INTS11: variants seen among roughly 807,000 people sequenced by gnomAD.
The protein encoded by INTS11 is integrator complex subunit 11.
In INTS11, 77 loss-of-function variants were observed where a neutral mutation model predicts 78.6. The ratio of observed to expected loss-of-function variants is 0.98; its 90% CI spans 0.81 to 1.18. INTS11 has a LOEUF of 1.18. INTS11 is among the 50% of genes most tolerant of loss of function. INTS11 has a pLI of 0.00. For missense variants in INTS11, 875 were observed against 825.9 expected (o/e 1.06, Z -0.73); for synonymous variants, 441 against 326.9 (o/e 1.35, Z -3.77).
At chr1:1,321,955 A>G in intron 1 of INTS11, 4 of 1,387,768 alleles carry the variant, frequency 2.9e-6, no homozygotes, top group Non-Finnish European at 3.8e-6. Context: ...ACCACACATC[A>G]GGATGACGGG....
chr1:1,311,838 C>T lies in INTS11; in HGVS notation c.*21G>A, dbSNP rs760749054. 12 of 1,537,128 alleles carry T rather than the reference C, an allele frequency of 7.8e-6. No individual in the cohort carries two copies. In the East Asian group the frequency reaches 9.0e-5, roughly 12 times the overall value. ...TCCAGCTGGGAGAGGGCAGAGGTGG[C>T]GGCTGGGTGAGTTGCCGGCCTCAGC... On this transcript the variant is annotated 3_prime_UTR_variant, in exon 17 of 17. Coordinates refer to ENST00000435064, the MANE Select transcript of INTS11 (RefSeq NM_017871.6).
In INTS11 at chr1:1,313,137, A is replaced by G. The variant is rs1642341735; in HGVS notation, c.1042-13T>C. The G allele has an allele frequency of 6.2e-7, 1 of 1,600,694 alleles. No homozygotes were observed. The stretch of plus-strand genomic sequence containing the variant: ...CGGGCATGATGACCTGGGGGCAGGC[A>G]CAGAGCTCACAGCCAGGGAACTCCA... On this transcript the variant is annotated splice_polypyrimidine_tract_variant and intron_variant, in intron 10 of 16. Transcript: ENST00000435064.
rs376430379 is a variant in INTS11 at position 1,312,607 on chromosome 1, C to T, written c.1388G>A (p.Arg463Gln). ...AGCCCGCATACCCTGCGCCATCTCC[C>T]GCTTCAGCAGCCCCAGCGAGATGCC... Reference protein sequence around the residue: ...PVGISLGLLKREMAQGLLPEA... With the variant: ...PVGISLGLLKQEMAQGLLPEA... The change falls in exon 13 of 17, where the codon CGG becomes CAG. Residue 463 changes from arginine to glutamine, a missense_variant. Coordinates refer to ENST00000435064, the MANE Select transcript of INTS11 (RefSeq NM_017871.6). 21 of 1,574,634 alleles carry T rather than the reference C, an allele frequency of 1.3e-5. No homozygotes were observed. Among genetic ancestry groups the T allele is most frequent in the Middle Eastern group, 1.7e-4 (1 of 5,886 alleles).
intron 1 of INTS11, 115 bp from the exon 2 acceptor site, chr1:1,321,208 A>G: frequency 1.3e-6 from 1 of 763,806 alleles, no homozygotes; most frequent in South Asian, 1.7e-5. Flanking sequence ...TGCTGTGTGG[A>G]CAGACACATG....
At chr1:1,319,821 C>T (rs775915195) in intron 3 of INTS11, 22 of 394,782 alleles carry the variant, frequency 5.6e-5, no homozygotes, top group Non-Finnish European at 8.3e-5. Flanking sequence ...GCTTTTCAGG[C>T]AGTCAGGACA....
In INTS11 at chr1:1,312,437, C is replaced by T. The variant is rs367734524; in HGVS notation, c.1464+3G>A. 1 of 1,567,390 alleles carries T rather than the reference C, an allele frequency of 6.4e-7. No homozygotes were observed. The highest frequency in any genetic ancestry group is 1.4e-5 in the African/African-American group (1 of 73,890). ...CCCCTCCAGAGACCGTCCTGGCACT[C>T]ACGCTGTCCTTCATGATCAGGGTGC... On this transcript the variant is annotated splice_donor_region_variant and intron_variant, in intron 14 of 16. Transcript: ENST00000435064.
In INTS11 at chr1:1,320,333, A is replaced by G. The variant is rs1642870600; in HGVS notation, c.200+123T>C. ...AGGCAGGGAGCAGATCCTGGGGCCT[A>G]GAAGCCCCCTGAGGATCAAGGATGG... On this transcript the variant is annotated intron_variant, in intron 3 of 16. Transcript: ENST00000435064. The G allele has an allele frequency of 3.4e-6, 3 of 872,264 alleles. No individual in the cohort carries two copies. In the African/African-American group the frequency reaches 5.0e-5, roughly 15 times the overall value. 54.0% of individuals were successfully genotyped at this position (872,264 alleles called of 1,614,324 possible).
Position 1,312,587 on chromosome 1 carries a change from G to C in INTS11, c.1402+6C>G. Reference sequence around the variant, plus strand: ...CACCCTGCCCTGCCCTGCCCAGCCCGCATACCCTGCGCCATCTCCCGCTTC... The same window carrying C: ...CACCCTGCCCTGCCCTGCCCAGCCCCCATACCCTGCGCCATCTCCCGCTTC... On this transcript the variant is annotated splice_donor_region_variant and intron_variant, in intron 13 of 16. Transcript: ENST00000435064. The C allele has an allele frequency of 6.4e-7, 1 of 1,570,900 alleles. No individual in the cohort carries two copies. The highest frequency in any genetic ancestry group is 8.7e-7 in the Non-Finnish European group (1 of 1,154,174).
intron 16 of INTS11, 46 bp from the exon 17 acceptor site, chr1:1,311,970 A>C (rs1642195330): frequency 1.3e-6 from 2 of 1,595,538 alleles, no homozygotes; most frequent in Admixed American, 3.5e-5. Context: ...GACAGGGAGG[A>C]ATGTTGATAC....
rs749479856 is a variant in INTS11 at position 1,324,596 on chromosome 1, T to C, written c.13A>G (p.Arg5Gly). 6.3e-7 allele frequency: 1 copy of C among 1,597,528 alleles called. No individual in the cohort carries two copies. The highest frequency in any genetic ancestry group is 1.7e-5 in the Admixed American group (1 of 58,922). ...TCCCACTCACCCAAGGGCGTGACTC[T>C]GATCTCAGGCATCGTCTCCGCCGCG... MPEI[R>G]VTPLGAGQDV... Residue 5 changes from arginine to glycine, a missense_variant, in exon 1 of 17, where the codon AGA becomes GGA. Transcript: ENST00000435064.
chr1:1,312,078 C>A lies in INTS11; in HGVS notation c.1677G>T (p.Gln559His). The stretch of plus-strand genomic sequence containing the variant: ...CTGGGTCCTCAGAAGGGGCGGCGGC[C>A]TGGAGGAGGACGGACTCCACAGTCA... ...GSVTVESVLL[Q>H]AAAPSEDPGT... Residue 559 changes from glutamine to histidine, a missense_variant, in exon 16 of 17, where the codon CAG becomes CAT. By Grantham distance (24) the Gln-to-His change is conservative. Transcript: ENST00000435064. The A allele has an allele frequency of 6.4e-7, 1 of 1,573,192 alleles. No individual in the cohort carries two copies. Among genetic ancestry groups the A allele is most frequent in the Non-Finnish European group, 8.6e-7 (1 of 1,157,936 alleles).
rs556199057 is a variant in INTS11, at chr1:1,321,503, C to T, written c.29-410G>A. ...CAGAGCTGCAAACCAATGAGGCCAC[C>T]TTCTCCAGGATCTTTCCCCAGGCAG... On this transcript the variant is annotated intron_variant, in intron 1 of 16. Transcript: ENST00000435064. Among the ~76,000 whole-genome samples the T allele has an allele frequency of 8.3e-4, 126 of 152,352 alleles. 1 individual carries two copies. The highest frequency in any genetic ancestry group is 2.9e-3 in the African/African-American group (120 of 41,584).
chr1:1,312,223 C>T lies in INTS11; in HGVS notation c.1607+3G>A, dbSNP rs771585917. On this transcript the variant is annotated splice_donor_region_variant and intron_variant, in intron 15 of 16. Coordinates refer to ENST00000435064, the MANE Select transcript of INTS11 (RefSeq NM_017871.6). ...TGGGGGGGGGGCGGGGCCGGGCGCC[C>T]ACCTCTTGAGGTGGCTGTAGACGCG... The T allele has an allele frequency of 7.0e-7, 1 of 1,431,860 alleles. No homozygotes were observed. 88.7% of individuals were successfully genotyped at this position (1,431,860 alleles called of 1,614,324 possible). A position where few individuals can be genotyped will look rare whatever the true frequency, so the allele number is the denominator to read the frequency against.
chr1:1,314,394 G>A lies in INTS11; in HGVS notation c.703-29C>T. 6.3e-7 allele frequency: 1 copy of A among 1,588,948 alleles called. No individual in the cohort carries two copies. Among genetic ancestry groups the A allele is most frequent in the Non-Finnish European group, 8.6e-7 (1 of 1,165,998 alleles). On this transcript the variant is annotated intron_variant, in intron 7 of 16. Transcript: ENST00000435064. This position sits in a 1 kb window ranked among gnomAD's most constrained non-coding sequence, Gnocchi z 4.2. ...AGGGGGACACAAGGCAGGAGCCCTG[G>A]GCACATGGCCCCTCGACACAGCAGG...
In INTS11 at chr1:1,315,058, G is replaced by A. The variant is rs141502981; in HGVS notation, c.564-96C>T. 9,522 of 1,448,280 alleles carry A rather than the reference G, an allele frequency of 6.6e-3. 48 individuals are homozygous for A. The highest frequency in any genetic ancestry group is 8.3e-3 in the Non-Finnish European group (8,736 of 1,054,470). The allele number at this position is 1,448,280 out of a possible 1,614,324, so 89.7% of individuals were successfully genotyped here. A position where few individuals can be genotyped will look rare whatever the true frequency, so the allele number is the denominator to read the frequency against. ...CTGGACCCCAGTACCACGCCCAGCC[G>A]CCTTCCTAGGTCACTCTGGCTGGAA... On this transcript the variant is annotated intron_variant, in intron 6 of 16. Transcript: ENST00000435064.
Position 1,311,897 on chromosome 1 carries a change from A to G in INTS11, c.1765T>C (p.Ser589Pro), listed in dbSNP as rs1642185427. The G allele has an allele frequency of 6.4e-7, 1 of 1,573,374 alleles. No homozygotes were observed. Among genetic ancestry groups the G allele is most frequent in the Non-Finnish European group, 8.6e-7 (1 of 1,158,968 alleles). ...TGGGGGAGGCCCTTCTTCAGCAGAG[A>G]TGTGAGGAAGCTCCCCAGCTCCTCG... The part of the protein sequence containing the change: ...QDEELGSFLT[S>P]LLKKGLPQAP... The change falls in exon 17 of 17, where the codon TCT becomes CCT. Residue 589 changes from serine to proline, a missense_variant. Ser to Pro is a moderately conservative substitution (Grantham distance 74). Coordinates refer to ENST00000435064, the MANE Select transcript of INTS11 (RefSeq NM_017871.6).
At chr1:1,323,664 G>A (rs1643100204) in intron 1 of INTS11, among the ~76,000 whole-genome samples, 1 of 151,210 alleles carries the variant, frequency 6.6e-6, no homozygotes. Flanking sequence ...TCCCACCTCT[G>A]CCTTCCAAAG....
At position 1,312,213 on chromosome 1, in the gene INTS11, G is replaced by GCCCGGCCCCCCCCCCCCCCCCCCCC; in HGVS notation, c.1607+12_1607+13insGGGGGGGGGGGGGGGGGGGGCCGGG. On this transcript the variant is annotated intron_variant, in intron 15 of 16. Transcript: ENST00000435064. ...CCCAAGGGAGTGGGGGGGGGGCGGG[G>GCCCGGCCCCCCCCCCCCCCCCCCCC]CCGGGCGCCCACCTCTTGAGGTGGC... 1 of 934,610 alleles carries GCCCGGCCCCCCCCCCCCCCCCCCCC rather than the reference G, an allele frequency of 1.1e-6. No homozygotes were observed. The allele number at this position is 934,610 out of a possible 1,614,324, so 57.9% of individuals were successfully genotyped here.
At chr1:1,321,898 T>TGCCCCCCCCCCCCCCCCCCCCCC in intron 1 of INTS11, 2 of 1,141,992 alleles carry the variant, frequency 1.8e-6, no homozygotes, top group Non-Finnish European at 2.3e-6. Flanking sequence ...TCCCCTTGAA[T>TGCCCCCCCCCCCCCCCCCCCCCC]CCCACCCACC....
Sources: allele counts gnomAD v4.1 joint callset (sites outside exome capture counted in the v4.1 genomes callset), GRCh38; gene constraint gnomAD v4.1.1; non-coding constraint Gnocchi (gnomAD v3.1); transcripts MANE v1.5; gene names NCBI Gene and HGNC (gene_info 2026-07-23, HGNC 2026-07-21).